The following SYNPO2 variants were observed in gnomAD, a reference collection of about 807,000 sequenced individuals.
SYNPO2 encodes synaptopodin 2.
A neutral mutation model predicts 85.0 loss-of-function variants in SYNPO2; 56 were observed. That is an observed-to-expected ratio of 0.66 (90% CI 0.53 to 0.82). The LOEUF (loss-of-function observed/expected upper bound fraction) is 0.82. SYNPO2 is among the 40% of genes least tolerant of loss of function. The probability of loss-of-function intolerance (pLI) is 0.00; values close to 1 mark genes in which losing one functional copy is unlikely to be tolerated. For synonymous variants in SYNPO2, 602 were observed against 591.1 expected (o/e 1.02, Z -0.27); for missense variants, 1,575 against 1,534.2 (o/e 1.03, Z -0.44).
intron 2 of SYNPO2, 26 bp downstream of exon 2, chr4:119,023,607 A>T: frequency 6.3e-7 from 1 of 1,599,534 alleles, no homozygotes; most frequent in Non-Finnish European, 8.5e-7. Context: ...TGGAATATGT[A>T]TTTTCTCTTG....
At chr4:118,856,516 T>C (rs1268195473) in intron 1 of SYNPO2, among the ~76,000 whole-genome samples, 1 of 152,164 alleles carries the variant, frequency 6.6e-6, no homozygotes, top group East Asian at 1.9e-4. Context: ...TATTTTATTT[T>C]ATTTTATTTC....
Position 119,030,859 on chromosome 4 carries a change from C to A in SYNPO2, c.2084C>A (p.Pro695His), listed in dbSNP as rs1411558885. The change falls in exon 4 of 5, where the codon CCC becomes CAC. Residue 695 changes from proline to histidine, a missense_variant. This residue lies in a region of SYNPO2 where 1,508 missense variants were observed against 1,446.8 expected (regional missense o/e 1.04). Coordinates refer to ENST00000307142, the MANE Select transcript of SYNPO2 (RefSeq NM_133477.3). ...GCCAAAAGGAGAAGCACGACAAAAC[C>A]CATGTTTACTTTTAAAGAGCCCAAA... ...QEAKRRSTTK[P>H]MFTFKEPKVS... The A allele has an allele frequency of 6.2e-7, 1 of 1,614,138 alleles. No homozygotes were observed. The highest frequency in any genetic ancestry group is 8.5e-7 in the Non-Finnish European group (1 of 1,180,028).
intron 1 of SYNPO2, among the ~76,000 whole-genome samples, chr4:118,955,439 T>C (rs1734842421): frequency 6.6e-6 from 1 of 152,228 alleles, no homozygotes; most frequent in Non-Finnish European, 1.5e-5. Context: ...GCCTCTAAGA[T>C]AGCAATAGCT....
rs147316163 is a variant in SYNPO2, at chr4:119,058,805, A to G, written c.*871A>G. The G allele has an allele frequency of 3.3e-5, 5 of 152,202 alleles. No individual in the cohort carries two copies. In the East Asian group the frequency reaches 9.7e-4, roughly 29 times the overall value. 9.4% of individuals were successfully genotyped at this position (152,202 alleles called of 1,614,324 possible). ...AACATTTTTTTAAAAAAATCTAATA[A>G]ATCTTAGATTTTTAAAAAAGAATTA... On this transcript the variant is annotated 3_prime_UTR_variant, in exon 5 of 5. Transcript: ENST00000307142.
intron 1 of SYNPO2, among the ~76,000 whole-genome samples, chr4:119,012,332 G>A (rs1005818324): frequency 4.0e-5 from 6 of 148,270 alleles, no homozygotes; most frequent in Non-Finnish European, 9.0e-5. Context: ...GTTGGTTTTA[G>A]TCTTGCTCTT....
chr4:118,930,230 A>T (rs1239066092), intron 1 of SYNPO2, among the ~76,000 whole-genome samples: 1 of 152,196 alleles, frequency 6.6e-6, no homozygotes, highest in Non-Finnish European at 1.5e-5. Context: ...TTTCCATTTT[A>T]CAGACCTAGA....
intron 1 of SYNPO2, among the ~76,000 whole-genome samples, chr4:118,900,703 C>CTCTATATATATATA (rs1277981772): frequency 1.2e-3 from 52 of 43,896 alleles, no homozygotes; most frequent in Middle Eastern, 0.014. Context: ...CTCTCTCTCT[C>CTCTATATATATATA]TATATATATA....
At chr4:118,975,000 G>A (rs1160730783) in intron 1 of SYNPO2, among the ~76,000 whole-genome samples, 1 of 152,148 alleles carries the variant, frequency 6.6e-6, no homozygotes, top group African/African-American at 2.4e-5. Flanking sequence ...ATCACTACTG[G>A]ATGAGAGCCA....
chr4:119,016,810 T>C (rs1737542039), intron 1 of SYNPO2, among the ~76,000 whole-genome samples: 2 of 152,220 alleles, frequency 1.3e-5, no homozygotes, highest in African/African-American at 4.8e-5. Flanking sequence ...TTATAACAGC[T>C]CATAGCAGTT....
At chr4:118,913,326 C>T (rs1820502) in intron 1 of SYNPO2, among the ~76,000 whole-genome samples, 127,020 of 152,080 alleles carry the variant, frequency 0.84, 53,338 homozygotes, top group Middle Eastern at 0.94. Flanking sequence ...TGAATTGGAC[C>T]GAGAACTTCC....
chr4:119,049,889 G>A (rs565763083), intron 4 of SYNPO2, among the ~76,000 whole-genome samples: 1 of 152,244 alleles, frequency 6.6e-6, no homozygotes, highest in South Asian at 2.1e-4. Flanking sequence ...TATTCCCTAC[G>A]GCCCGGTCAC....
chr4:118,853,961 A>C (rs1255542858), intron 1 of SYNPO2, among the ~76,000 whole-genome samples: 1 of 152,198 alleles, frequency 6.6e-6, no homozygotes, highest in African/African-American at 2.4e-5. Context: ...CTATGGTGTA[A>C]ACCTTTCATA....
At chr4:119,025,705 A>T (rs953571364) in intron 2 of SYNPO2, among the ~76,000 whole-genome samples, 17 of 151,346 alleles carry the variant, frequency 1.1e-4, no homozygotes, top group Non-Finnish European at 2.2e-4. Flanking sequence ...TTCCAAAATT[A>T]AAAAAAATAC....
At chr4:118,862,226 A>C (rs1175587077) in intron 1 of SYNPO2, among the ~76,000 whole-genome samples, 1 of 152,110 alleles carries the variant, frequency 6.6e-6, no homozygotes, top group Non-Finnish European at 1.5e-5. Context: ...GTTCTAATAG[A>C]TTTTGGTGGA....
chr4:118,926,375 A>G (rs773894975), intron 1 of SYNPO2, among the ~76,000 whole-genome samples: 5 of 152,214 alleles, frequency 3.3e-5, no homozygotes, highest in Non-Finnish European at 5.9e-5. Context: ...AGCTATTTCA[A>G]CAGTGGAATA....
chr4:119,037,298 A>G, intron 4 of SYNPO2: 1 of 1,298,668 alleles, frequency 7.7e-7, no homozygotes, highest in Non-Finnish European at 9.8e-7. Context: ...TTGTTCATGA[A>G]AAAAAATTTT....
chr4:119,024,051 G>A (rs1463885786), intron 2 of SYNPO2, among the ~76,000 whole-genome samples: 1 of 152,072 alleles, frequency 6.6e-6, no homozygotes, highest in Non-Finnish European at 1.5e-5. Flanking sequence ...ACAAGCAGCC[G>A]GATTTCTCCA....
At chr4:118,879,598 C>G (rs1466834386) in intron 1 of SYNPO2, among the ~76,000 whole-genome samples, 3 of 152,192 alleles carry the variant, frequency 2.0e-5, no homozygotes, top group African/African-American at 4.8e-5. Flanking sequence ...GACTTCCCAG[C>G]TGCCAGACCT....
intron 4 of SYNPO2, chr4:119,034,034 G>T: frequency 2.0e-6 from 2 of 985,362 alleles, no homozygotes; most frequent in Non-Finnish European, 2.4e-6. Context: ...TCTCTTATTT[G>T]CCTTTTTGGG....
Sources: gnomAD v4.1 joint callset for allele counts (sites outside exome capture counted in the v4.1 genomes callset) on GRCh38, gnomAD v4.1.1 for gene constraint, gnomAD v4.1.1 regional missense constraint, MANE v1.5 for transcripts, NCBI Gene and HGNC (gene_info 2026-07-23, HGNC 2026-07-21) for gene names.